The following DLC1 variants were observed in gnomAD, a reference collection of about 807,000 sequenced individuals.
DLC1 encodes the protein DLC1 Rho GTPase activating protein.
A neutral mutation model predicts 140.3 loss-of-function variants in DLC1; 54 were observed. That is an observed-to-expected ratio of 0.38 (90% CI 0.31 to 0.48). The LOEUF (loss-of-function observed/expected upper bound fraction) is 0.48. DLC1 is among the 20% of genes least tolerant of loss of function. The probability of loss-of-function intolerance (pLI) is 0.96; values close to 1 mark genes in which losing one functional copy is unlikely to be tolerated. For missense variants in DLC1, 2,536 were observed against 1,907.0 expected, an observed-to-expected ratio of 1.33 and a Z score of -6.14; for synonymous variants, 986 against 728.1, an observed-to-expected ratio of 1.35 and a Z score of -5.70.
intron 4 of DLC1, among the ~76,000 whole-genome samples, chr8:13,369,307 T>C (rs774714938): frequency 6.7e-6 from 1 of 149,516 alleles, no homozygotes; most frequent in Non-Finnish European, 1.5e-5. Flanking sequence ...TTTAACCTAT[T>C]GATACCTCCT....
intron 4 of DLC1, among the ~76,000 whole-genome samples, chr8:13,325,764 T>C (rs1214847907): frequency 6.6e-6 from 1 of 152,184 alleles, no homozygotes; most frequent in Non-Finnish European, 1.5e-5. Flanking sequence ...AAAGAAAAGA[T>C]TGTCTTCTTG....
At chr8:13,404,301 T>C (rs1837428491) in intron 2 of DLC1, among the ~76,000 whole-genome samples, 1 of 152,062 alleles carries the variant, frequency 6.6e-6, no homozygotes, top group South Asian at 2.1e-4. Flanking sequence ...GTGGTGTAAA[T>C]ACTCCCCTGA....
At chr8:13,531,778 A>G (rs1803106844) in intron 1 of DLC1, among the ~76,000 whole-genome samples, 1 of 152,164 alleles carries the variant, frequency 6.6e-6, no homozygotes, top group Non-Finnish European at 1.5e-5. Flanking sequence ...TTTGATGAAA[A>G]CACGAGCCAT....
chr8:13,083,573 T>C lies in DLC1; in HGVS notation c.*2238A>G, dbSNP rs1817314980. 1 of 152,588 alleles carries C rather than the reference T, an allele frequency of 6.6e-6. No homozygotes were observed. The highest frequency in any genetic ancestry group is 1.5e-5 in the Non-Finnish European group (1 of 68,042). The allele number at this position is 152,588 out of a possible 1,614,324, so 9.5% of individuals were successfully genotyped here. A position where few individuals can be genotyped will look rare whatever the true frequency, so the allele number is the denominator to read the frequency against. On this transcript the variant is annotated 3_prime_UTR_variant, in exon 18 of 18. Transcript: ENST00000276297. ...TCATATCCTTCAAATTCTTCTCTTG[T>C]CAAATTAAACAGTGGGAAAGAGAAC...
At chr8:13,515,112 A>C (rs1480789039), upstream of DLC1, among the ~76,000 whole-genome samples, 1 of 152,196 alleles carries the variant, frequency 6.6e-6, no homozygotes, top group South Asian at 2.1e-4. Context: ...AGAAAGAAAG[A>C]AAGAAAGAAA....
intron 2 of DLC1, among the ~76,000 whole-genome samples, chr8:13,480,212 G>A (rs546211168): frequency 1.3e-5 from 2 of 152,130 alleles, no homozygotes; most frequent in Non-Finnish European, 2.9e-5. Context: ...AGTTAAATAT[G>A]TTTGATTATT....
At chr8:13,425,447 T>C (rs957126050) in intron 2 of DLC1, among the ~76,000 whole-genome samples, 5 of 152,176 alleles carry the variant, frequency 3.3e-5, no homozygotes, top group African/African-American at 1.2e-4. Context: ...GGAATGATGC[T>C]GCTAACACTC....
intron 2 of DLC1, among the ~76,000 whole-genome samples, chr8:13,479,863 A>AGAAGAAGAAGAGAAAAAG (rs1563383641): frequency 1.6e-3 from 92 of 56,304 alleles, no homozygotes; most frequent in Non-Finnish European, 3.1e-3. Context: ...GAAGAAGAGA[A>AGAAGAAGAAGAGAAAAAG]AAAGAAAGAA....
At chr8:13,283,293 A>AAT (rs376374321) in intron 5 of DLC1, among the ~76,000 whole-genome samples, 3 of 145,032 alleles carry the variant, frequency 2.1e-5, no homozygotes, top group African/African-American at 5.1e-5. Context: ...ATCCTACTGA[A>AAT]ACACACACAC....
intron 5 of DLC1, among the ~76,000 whole-genome samples, chr8:13,272,630 G>A (rs1381351673): frequency 6.6e-6 from 1 of 152,140 alleles, no homozygotes; most frequent in Admixed American, 6.5e-5. Flanking sequence ...GGGAGGCCGA[G>A]GCAGTCGGAT....
At chr8:13,509,904 A>G (rs182854605) in intron 1 of DLC1, among the ~76,000 whole-genome samples, 1 of 152,302 alleles carries the variant, frequency 6.6e-6, no homozygotes, top group African/African-American at 2.4e-5. Context: ...TTGAGGGGAA[A>G]ATGATAATGA....
intron 2 of DLC1, among the ~76,000 whole-genome samples, chr8:13,450,287 T>C (rs1161117750): frequency 6.6e-6 from 1 of 151,706 alleles, no homozygotes; most frequent in East Asian, 2.0e-4. Context: ...AAACGCTGTC[T>C]CTACTAAAAA....
At chr8:13,414,578 C>G (rs17817533) in intron 2 of DLC1, among the ~76,000 whole-genome samples, 10,534 of 152,146 alleles carry the variant, frequency 0.069, 500 homozygotes, top group Non-Finnish European at 0.11. Context: ...GCATTATGAC[C>G]TTGGCTTTCT....
Position 13,579,359 on chromosome 8 carries a change from ATATTTTTATAT to A in DLC1, c.-126+25167_-126+25177del, listed in dbSNP as rs1563454099. On this transcript the variant is annotated intron_variant, in intron 1 of 1. Coordinates refer to the DLC1 transcript ENST00000631382. ...TATATATATATATATATATATATAT[ATATTTTTATAT>A]AATACATATTTATATATTATATATT... Among the ~76,000 whole-genome samples, 72 of 27,172 alleles carry A rather than the reference ATATTTTTATAT, an allele frequency of 2.6e-3. 16 individuals are homozygous for A. Among genetic ancestry groups the A allele is most frequent in the African/African-American group, 6.8e-3 (37 of 5,432 alleles). The allele number at this position is 27,172 out of a possible 152,430, so 17.8% of individuals were successfully genotyped here.
At chr8:13,454,506 A>T (rs1799302338) in intron 2 of DLC1, among the ~76,000 whole-genome samples, 1 of 152,244 alleles carries the variant, frequency 6.6e-6, no homozygotes, top group Non-Finnish European at 1.5e-5. Flanking sequence ...CTTGGAACAA[A>T]TGTGCCTGAT....
At chr8:13,172,237 T>C (rs1190311230) in intron 5 of DLC1, among the ~76,000 whole-genome samples, 3 of 152,176 alleles carry the variant, frequency 2.0e-5, no homozygotes, top group Non-Finnish European at 4.4e-5. Context: ...AATACTTCAG[T>C]ACTATATTTT....
intron 4 of DLC1, among the ~76,000 whole-genome samples, chr8:13,370,670 C>T (rs1835687531): frequency 6.6e-6 from 1 of 152,170 alleles, no homozygotes; most frequent in Admixed American, 6.5e-5. Context: ...CTAATGTCAC[C>T]AAAACATGCT....
At chr8:13,546,925 T>C (rs1379277004) in intron 1 of DLC1, among the ~76,000 whole-genome samples, 2 of 152,154 alleles carry the variant, frequency 1.3e-5, no homozygotes, top group South Asian at 2.1e-4. Flanking sequence ...AGTGAAGAAG[T>C]CTTTGGAGAA....
At chr8:13,199,480 G>T (rs780822099) in intron 5 of DLC1, among the ~76,000 whole-genome samples, 2 of 151,942 alleles carry the variant, frequency 1.3e-5, no homozygotes, top group Non-Finnish European at 2.9e-5. Context: ...TGGGCCCCGC[G>T]TTCTCATTCT....
Sources: gnomAD v4.1 joint callset for allele counts (sites outside exome capture counted in the v4.1 genomes callset) on GRCh38, gnomAD v4.1.1 for gene constraint, MANE v1.5 for transcripts, NCBI Gene and HGNC (gene_info 2026-07-23, HGNC 2026-07-21) for gene names.